The following PTPRE variants were observed in gnomAD, a reference collection of about 807,000 sequenced individuals.
The protein encoded by PTPRE is protein tyrosine phosphatase receptor type E.
PTPRE carries 51 observed loss-of-function variants against 102.0 expected under a neutral mutation model. The observed-to-expected ratio is 0.50, with a 90% confidence interval of 0.40 to 0.63. PTPRE has a LOEUF of 0.63. Ranked by LOEUF, PTPRE falls within the 30% of genes least tolerant of loss-of-function variation. The pLI, the probability that PTPRE is intolerant of heterozygous loss-of-function variation, is 0.00. For missense variants in PTPRE, 752 were observed against 915.1 expected (o/e 0.82, Z 2.30); for synonymous variants, 345 against 348.2 (o/e 0.99, Z 0.10).
intron 10 of PTPRE, 40 bp downstream of exon 10, chr10:128,063,220 A>G: frequency 6.2e-7 from 1 of 1,610,010 alleles, no homozygotes; most frequent in Non-Finnish European, 8.5e-7. Flanking sequence ...ACTTCCTTTC[A>G]GCTGCTGCTG....
intron 6 of PTPRE, among the ~76,000 whole-genome samples, chr10:128,054,280 A>T (rs1236644787): frequency 6.6e-6 from 1 of 152,228 alleles, no homozygotes; most frequent in East Asian, 1.9e-4. Flanking sequence ...TGTGTTGCGC[A>T]TTCTGTGGGT....
chr10:127,961,315 C>T (rs576450637), intron 1 of PTPRE, among the ~76,000 whole-genome samples: 3 of 151,938 alleles, frequency 2.0e-5, no homozygotes, highest in African/African-American at 4.8e-5. Context: ...CAGGGTTGGC[C>T]GGAGGCAGGA....
chr10:128,046,656 C>T (rs1008016337), intron 3 of PTPRE, among the ~76,000 whole-genome samples: 7 of 152,076 alleles, frequency 4.6e-5, no homozygotes, highest in Non-Finnish European at 8.8e-5. Flanking sequence ...GAACAAAGTG[C>T]GACGTTGGGA....
At chr10:127,938,609 CTTCAA>C (rs1299309705) in intron 1 of PTPRE, among the ~76,000 whole-genome samples, 1 of 152,112 alleles carries the variant, frequency 6.6e-6, no homozygotes. Context: ...TTTGTATTTT[CTTCAA>C]TTCAAAACAT....
Position 128,067,929 on chromosome 10 carries a change from CA to C in PTPRE, c.844-190del, listed in dbSNP as rs147140675. ...TGCTGCGGGCCCTGTTCTGTGGCCC[CA>C]AAAGCAGCACATGTTCAGAGTCGGC... On this transcript the variant is annotated intron_variant, in intron 11 of 20. Transcript: ENST00000254667. Among the ~76,000 whole-genome samples the C allele has an allele frequency of 9.2e-3, 1,407 of 152,286 alleles. 22 individuals carry two copies. Among genetic ancestry groups the C allele is most frequent in the African/African-American group, 0.033 (1,354 of 41,562 alleles).
intron 2 of PTPRE, among the ~76,000 whole-genome samples, chr10:127,991,078 G>A (rs1239924935): frequency 6.6e-6 from 1 of 152,260 alleles, no homozygotes; most frequent in East Asian, 1.9e-4. Flanking sequence ...ACTTCATCTC[G>A]TCAGAAACCA....
At chr10:128,010,787 T>G (rs1844951166) in intron 2 of PTPRE, among the ~76,000 whole-genome samples, 1 of 152,062 alleles carries the variant, frequency 6.6e-6, no homozygotes, top group Non-Finnish European at 1.5e-5. Flanking sequence ...GAGATGGGGT[T>G]TCACCGTGTT....
intron 1 of PTPRE, among the ~76,000 whole-genome samples, chr10:127,954,429 G>T (rs1008685389): frequency 6.6e-6 from 1 of 152,178 alleles, no homozygotes; most frequent in Non-Finnish European, 1.5e-5. Flanking sequence ...TCTGGATATG[G>T]ATATGCTTCT....
At chr10:128,061,118 G>A in intron 8 of PTPRE, 103 bp downstream of exon 8, 1 of 1,160,864 alleles carries the variant, frequency 8.6e-7, no homozygotes, top group Non-Finnish European at 1.3e-6. Context: ...AACCTTTCTG[G>A]GCAGTTTGGC....
Position 127,981,931 on chromosome 10 carries a change from G to T in PTPRE, c.-30-343G>T, listed in dbSNP as rs60087108. The stretch of plus-strand genomic sequence containing the variant: ...AGACCAGGTTGTAAAAGGCTCTTCT[G>T]GGGGGAGGATGGGCTAAAGGAACTA... On this transcript the variant is annotated intron_variant, in intron 1 of 20. Transcript: ENST00000254667. 4.4e-4 allele frequency among the ~76,000 whole-genome samples: 67 copies of T among 152,298 alleles called. No individual in the cohort carries two copies. The East Asian group carries it at 0.011, about 25-fold the overall frequency.
At chr10:127,990,665 C>T (rs1437080393) in intron 2 of PTPRE, among the ~76,000 whole-genome samples, 1 of 152,134 alleles carries the variant, frequency 6.6e-6, no homozygotes, top group Non-Finnish European at 1.5e-5. Context: ...CCGCACTCAT[C>T]CCCTTGTCTT....
chr10:127,946,098 A>G (rs945899971), intron 1 of PTPRE, among the ~76,000 whole-genome samples: 9 of 152,068 alleles, frequency 5.9e-5, no homozygotes, highest in Non-Finnish European at 8.8e-5. Context: ...CTGGAGAAGA[A>G]GGTCAGATGC....
chr10:127,944,950 T>G lies in PTPRE; in HGVS notation c.-30-37324T>G, dbSNP rs1237278246. Among the ~76,000 whole-genome samples, 2 of 152,112 alleles carry G rather than the reference T, an allele frequency of 1.3e-5. No homozygotes were observed. The highest frequency in any genetic ancestry group is 3.9e-4 in the East Asian group (2 of 5,190). ...GCATCTAGAGTGACCCCCAGTGGGC[T>G]GGACAGCTGGGGGGATGGTGGCACC... On this transcript the variant is annotated intron_variant, in intron 1 of 20. Coordinates refer to ENST00000254667, the MANE Select transcript of PTPRE (RefSeq NM_006504.6). The surrounding 1 kb of genome is among the most constrained non-coding windows in gnomAD (Gnocchi z 4.2).
At chr10:127,925,482 C>T (rs1846935569) in intron 1 of PTPRE, among the ~76,000 whole-genome samples, 1 of 152,158 alleles carries the variant, frequency 6.6e-6, no homozygotes, top group Non-Finnish European at 1.5e-5. Context: ...AGAAAGGGAG[C>T]TTGGCAGACG....
chr10:127,966,267 C>T (rs1392828670), intron 1 of PTPRE, among the ~76,000 whole-genome samples: 1 of 152,126 alleles, frequency 6.6e-6, no homozygotes, highest in Non-Finnish European at 1.5e-5. Flanking sequence ...TGTGTGGAGC[C>T]CTCCGGACAC....
chr10:128,079,427 A>T (rs1176738052), intron 19 of PTPRE, 133 bp from the exon 20 acceptor site: 5 of 1,227,128 alleles, frequency 4.1e-6, no homozygotes, highest in Non-Finnish European at 5.6e-6. Flanking sequence ...ATCAAAAAAA[A>T]ATTCAGTCAA....
intron 12 of PTPRE, 84 bp from the exon 13 acceptor site, chr10:128,069,607 CT>C: frequency 6.4e-7 from 1 of 1,551,278 alleles, no homozygotes; most frequent in South Asian, 1.2e-5. Context: ...ATCCAGTGAC[CT>C]GGGTGCGCAG....
At chr10:128,010,401 C>T (rs1844879916) in intron 2 of PTPRE, among the ~76,000 whole-genome samples, 2 of 152,226 alleles carry the variant, frequency 1.3e-5, no homozygotes, top group South Asian at 4.2e-4. Context: ...AGAACTCCTC[C>T]CTTTGCCGGG....
chr10:127,963,025 C>T (rs2135395876), intron 1 of PTPRE, among the ~76,000 whole-genome samples: 1 of 152,306 alleles, frequency 6.6e-6, no homozygotes, highest in South Asian at 2.1e-4. Context: ...CTAGGGGTCT[C>T]TGGCTGAGAA....
Sources: gnomAD v4.1 joint callset for allele counts (sites outside exome capture counted in the v4.1 genomes callset) on GRCh38, gnomAD v4.1.1 for gene constraint, Gnocchi (gnomAD v3.1) non-coding constraint, MANE v1.5 for transcripts, NCBI Gene and HGNC (gene_info 2026-07-23, HGNC 2026-07-21) for gene names.